SLC16A4: variants seen among roughly 807,000 people sequenced by gnomAD.
The protein encoded by SLC16A4 is solute carrier family 16 member 4.
SLC16A4 carries 39 observed loss-of-function variants against 47.9 expected under a neutral mutation model. The ratio of observed to expected loss-of-function variants is 0.81; its 90% confidence interval spans 0.63 to 1.06. The LOEUF (loss-of-function observed/expected upper bound fraction) is 1.06. Among genes scored for constraint, SLC16A4 ranks in the 50% least tolerant of loss-of-function variants. The pLI, the probability that SLC16A4 is intolerant of heterozygous loss-of-function variation, is 0.00. For missense variants in SLC16A4, 524 were observed against 573.8 expected (o/e 0.91, Z 0.89); for synonymous variants, 189 against 199.9 (o/e 0.95, Z 0.46).
intron 7 of SLC16A4, among the ~76,000 whole-genome samples, chr1:110,375,813 G>A (rs1441274428): frequency 6.6e-6 from 1 of 152,028 alleles, no homozygotes; most frequent in East Asian, 1.9e-4. Context: ...GTGGTTCATG[G>A]GTACTTTTTC....
chr1:110,376,509 GC>G (rs949164785), intron 7 of SLC16A4, among the ~76,000 whole-genome samples: 4 of 152,096 alleles, frequency 2.6e-5, no homozygotes, highest in African/African-American at 9.7e-5. Flanking sequence ...TAAAACAATG[GC>G]CCTGTGAAAG....
At chr1:110,373,304 A>AT (rs1206402642) in intron 8 of SLC16A4, among the ~76,000 whole-genome samples, 1 of 152,130 alleles carries the variant, frequency 6.6e-6, no homozygotes, top group East Asian at 1.9e-4. Context: ...AGGCTTGAAA[A>AT]ATTCCAAGGC....
chr1:110,388,138 A>G (rs1662832017), intron 2 of SLC16A4, among the ~76,000 whole-genome samples: 1 of 152,132 alleles, frequency 6.6e-6, no homozygotes, highest in Non-Finnish European at 1.5e-5. Context: ...CTCAAAGTTA[A>G]TAGAACTCTG....
chr1:110,376,628 A>T (rs1263964198), intron 7 of SLC16A4, among the ~76,000 whole-genome samples: 4 of 152,202 alleles, frequency 2.6e-5, no homozygotes, highest in African/African-American at 9.6e-5. Context: ...TGTGTCTTAA[A>T]AGGAGCCAAA....
intron 8 of SLC16A4, chr1:110,371,766 C>A (rs1292152156): frequency 3.3e-5 from 5 of 152,132 alleles, no homozygotes; most frequent in Non-Finnish European, 7.3e-5. Flanking sequence ...TAAAACTCAC[C>A]TACTCTAATG....
chr1:110,366,874 ATTG>A (rs1481122344), intron 8 of SLC16A4, among the ~76,000 whole-genome samples: 1 of 152,204 alleles, frequency 6.6e-6, no homozygotes, highest in Non-Finnish European at 1.5e-5. Context: ...GGATGAAATA[ATTG>A]TTGTAAATTT....
At chr1:110,368,050 G>A (rs900381065) in intron 8 of SLC16A4, among the ~76,000 whole-genome samples, 2 of 152,136 alleles carry the variant, frequency 1.3e-5, no homozygotes, top group South Asian at 2.1e-4. Context: ...GGATGGTCTC[G>A]ATCTCCTGAC....
At chr1:110,373,130 A>G (rs1223076253) in intron 8 of SLC16A4, 3 of 151,946 alleles carry the variant, frequency 2.0e-5, no homozygotes, top group African/African-American at 7.3e-5. Flanking sequence ...CAGAAATTTG[A>G]CTTGTCTTCT....
chr1:110,385,648 C>T (rs1017148232), intron 2 of SLC16A4, among the ~76,000 whole-genome samples: 1 of 152,178 alleles, frequency 6.6e-6, no homozygotes, highest in African/African-American at 2.4e-5. Flanking sequence ...AAGACCTGCC[C>T]CCTTCTTTTC....
chr1:110,384,672 T>C (rs1479932344), intron 2 of SLC16A4, among the ~76,000 whole-genome samples: 5 of 152,162 alleles, frequency 3.3e-5, no homozygotes, highest in Non-Finnish European at 5.9e-5. Context: ...AGCGTTGGCT[T>C]TTCAAGGCCA....
At chr1:110,366,347 A>C (rs1661397386) in intron 8 of SLC16A4, among the ~76,000 whole-genome samples, 1 of 151,922 alleles carries the variant, frequency 6.6e-6, no homozygotes, top group African/African-American at 2.4e-5. Flanking sequence ...TTTAGTAGAG[A>C]TGGGGTTTCG....
intron 2 of SLC16A4, among the ~76,000 whole-genome samples, chr1:110,387,318 G>A (rs1411192475): frequency 1.3e-5 from 2 of 152,172 alleles, no homozygotes; most frequent in African/African-American, 2.4e-5. Flanking sequence ...AATATATAAA[G>A]TGTGGTAAGT....
rs1177840563 is a variant in SLC16A4 at position 110,381,668 on chromosome 1, A to T, written c.348T>A (p.Thr116=). The change falls in exon 4 of 9, where the codon ACT becomes ACA. Residue 116 remains threonine, a synonymous_variant. Transcript: ENST00000369779. ...WATSIPFLCV[T]MGLLPGLGSA... ...TGGACTCACCGGGTAGAAGTCCCAT[A>T]GTCACACAAAGAAAAGGAATACTTG... 6.2e-7 allele frequency: 1 copy of T among 1,612,416 alleles called. No homozygotes were observed. Among genetic ancestry groups the T allele is most frequent in the Non-Finnish European group, 8.5e-7 (1 of 1,179,708 alleles).
chr1:110,377,124 C>T lies in SLC16A4; in HGVS notation c.1068G>A (p.Trp356Ter). Residue 356 changes from tryptophan to a stop codon, truncating the protein, a stop_gained, in exon 7 of 9, where the codon TGG (tryptophan) becomes TGA (stop). Coordinates refer to ENST00000369779, the MANE Select transcript of SLC16A4 (RefSeq NM_004696.3). LOFTEE classifies it high-confidence loss of function. ...LETVSQIISG[W>*]VADQNWIKKY... ...TCTTAATCCAGTTTTGATCAGCAACCCATCCAGAAATAATCTGACTGACCG... is the reference window on the plus strand; with the variant it reads ...TCTTAATCCAGTTTTGATCAGCAACTCATCCAGAAATAATCTGACTGACCG... 3 of 1,614,076 alleles carry T rather than the reference C, an allele frequency of 1.9e-6. No homozygotes were observed. Among genetic ancestry groups the T allele is most frequent in the Non-Finnish European group, 2.5e-6 (3 of 1,179,994 alleles).
Position 110,389,217 on chromosome 1 carries a change from G to T in SLC16A4, c.87+20C>A. On this transcript the variant is annotated intron_variant, in intron 2 of 8. Transcript: ENST00000369779. ...CCTGCTTTTAGGCAATAGGAAAGGG[G>T]GAAAAAAGTGAATTCTTACCAGGAA... 1.3e-6 allele frequency: 2 copies of T among 1,597,200 alleles called. No homozygotes were observed. The highest frequency in any genetic ancestry group is 1.7e-6 in the Non-Finnish European group (2 of 1,164,660).
chr1:110,382,751 C>T lies in SLC16A4; in HGVS notation c.220+83G>A, dbSNP rs188292589. The T allele has an allele frequency of 6.6e-5, 86 of 1,299,338 alleles. No individual in the cohort carries two copies. In the African/African-American group the frequency reaches 1.1e-3, roughly 16 times the overall value. 80.5% of individuals were successfully genotyped at this position (1,299,338 alleles called of 1,614,324 possible). A position where few individuals can be genotyped will look rare whatever the true frequency, so the allele number is the denominator to read the frequency against. On this transcript the variant is annotated intron_variant, in intron 3 of 8. Coordinates refer to ENST00000369779, the MANE Select transcript of SLC16A4 (RefSeq NM_004696.3). The stretch of plus-strand genomic sequence containing the variant: ...GAACCTTAATTTTAGAAACTGAATT[C>T]CTATTCAGTCTTGAATAGGAATCTT...
Position 110,363,377 on chromosome 1 carries a change from C to T in SLC16A4, c.*389G>A, listed in dbSNP as rs1191650990. ...GCCCAGTGGCTCATGCCTGTAATCCCAGCACTTTGGAGGACAAGGCGGGCG... is the reference window on the plus strand; with the variant it reads ...GCCCAGTGGCTCATGCCTGTAATCCTAGCACTTTGGAGGACAAGGCGGGCG... On this transcript the variant is annotated 3_prime_UTR_variant, in exon 9 of 9. Transcript: ENST00000369779. The T allele has an allele frequency of 1.9e-5, 3 of 154,230 alleles. No homozygotes were observed. The highest frequency in any genetic ancestry group is 7.2e-5 in the African/African-American group (3 of 41,472). The allele number at this position is 154,230 out of a possible 1,614,324, so 9.6% of individuals were successfully genotyped here.
At position 110,381,049 on chromosome 1, in the gene SLC16A4, A is replaced by G; in HGVS notation, c.459T>C (p.Ser153=). ...CCAAAAGAAAAGTCAGTCCCATCCC[A>G]GAACGGGCAATAGCTGTAGAAAGAG... ...RLALSTAIAR[S]GMGLTFLLAP... The change falls in exon 5 of 9, where the codon TCT becomes TCC. Residue 153 remains serine, a synonymous_variant. Transcript: ENST00000369779. 1.9e-6 allele frequency: 3 copies of G among 1,614,174 alleles called. No homozygotes were observed. Among genetic ancestry groups the G allele is most frequent in the Non-Finnish European group, 2.5e-6 (3 of 1,179,982 alleles).
At chr1:110,387,829 G>T (rs1353678534) in intron 2 of SLC16A4, among the ~76,000 whole-genome samples, 1 of 152,230 alleles carries the variant, frequency 6.6e-6, no homozygotes, top group Non-Finnish European at 1.5e-5. Context: ...TTTCTAGGGG[G>T]AAAATGAGAT....
Sources: allele counts gnomAD v4.1 joint callset (sites outside exome capture counted in the v4.1 genomes callset), GRCh38; gene constraint gnomAD v4.1.1; transcripts MANE v1.5; gene names NCBI Gene and HGNC (gene_info 2026-07-23, HGNC 2026-07-21).